Variants in PGCKA1 observed in about 807,000 individuals in gnomAD.
PGCKA1 encodes the protein PDCD10 and GCKIII kinases associated 1, also known as PDCD10 and GCKIII kinases-associated protein 1.
At chr4:37,498,860 G>A in the PGCKA1 span, among the ~76,000 whole-genome samples, 2 of 152,116 alleles carry the variant, frequency 1.3e-5, no homozygotes, top group Non-Finnish European at 2.9e-5. Flanking sequence ...CCAATATTAT[G>A]TTGAATATGA....
At chr4:37,494,556 T>G in the PGCKA1 span, among the ~76,000 whole-genome samples, 1 of 152,236 alleles carries the variant, frequency 6.6e-6, no homozygotes, top group Non-Finnish European at 1.5e-5. Flanking sequence ...TCCATGTCTT[T>G]GCTATTATGA....
At chr4:37,521,219 ATTGC>A in the PGCKA1 span, among the ~76,000 whole-genome samples, 1 of 152,028 alleles carries the variant, frequency 6.6e-6, no homozygotes, top group Non-Finnish European at 1.5e-5. Flanking sequence ...CCCTCTTAGT[ATTGC>A]TTTTGCTGGA....
At chr4:37,527,127 A>G in the PGCKA1 span, among the ~76,000 whole-genome samples, 2 of 152,124 alleles carry the variant, frequency 1.3e-5, no homozygotes, top group Non-Finnish European at 2.9e-5. Flanking sequence ...AGGAAAAAGT[A>G]TATATAATAA....
the PGCKA1 span, among the ~76,000 whole-genome samples, chr4:37,551,346 T>G: frequency 6.6e-6 from 1 of 152,104 alleles, no homozygotes; most frequent in Non-Finnish European, 1.5e-5. Flanking sequence ...CCTAAAAAAA[T>G]TATACAATAC....
chr4:37,504,848 GATCATATT>G, the PGCKA1 span, among the ~76,000 whole-genome samples: 1 of 152,090 alleles, frequency 6.6e-6, no homozygotes, highest in Non-Finnish European at 1.5e-5. Flanking sequence ...CCAAATATAA[GATCATATT>G]ATCTTCAAAT....
At chr4:37,497,212 C>T in the PGCKA1 span, among the ~76,000 whole-genome samples, 1 of 152,124 alleles carries the variant, frequency 6.6e-6, no homozygotes, top group Non-Finnish European at 1.5e-5. Flanking sequence ...AGTTACTTCA[C>T]TTAGAATACT....
At chr4:37,478,356 C>T in the PGCKA1 span, among the ~76,000 whole-genome samples, 1 of 151,996 alleles carries the variant, frequency 6.6e-6, no homozygotes, top group East Asian at 1.9e-4. Context: ...GGCCCGGAGC[C>T]AGTTCACTGG....
At chr4:37,539,506 AATT>A in the PGCKA1 span, among the ~76,000 whole-genome samples, 1 of 152,020 alleles carries the variant, frequency 6.6e-6, no homozygotes, top group Non-Finnish European at 1.5e-5. Context: ...AAAATACAAA[AATT>A]AGCCAGATGT....
At chr4:37,520,314 A>G in the PGCKA1 span, among the ~76,000 whole-genome samples, 1 of 152,202 alleles carries the variant, frequency 6.6e-6, no homozygotes, top group African/African-American at 2.4e-5. Flanking sequence ...TTTTTGGAAT[A>G]GCTTGAGTAG....
At chr4:37,554,778 T>G in the PGCKA1 span, among the ~76,000 whole-genome samples, 8 of 152,338 alleles carry the variant, frequency 5.3e-5, no homozygotes, top group South Asian at 1.2e-3. Context: ...TAAGGAGGTA[T>G]GCCAATTGGG....
chr4:37,499,918 CTTTTTTTT>C, the PGCKA1 span, among the ~76,000 whole-genome samples: 1 of 79,258 alleles, frequency 1.3e-5, no homozygotes, highest in East Asian at 4.0e-4. Context: ...GTCTTCCTAA[CTTTTTTTT>C]TTTTTTTTTT....
chr4:37,568,818 A>G, the PGCKA1 span, among the ~76,000 whole-genome samples: 28,657 of 152,184 alleles, frequency 0.19, 3,091 homozygotes, highest in Non-Finnish European at 0.26. Context: ...TATCGTTTAG[A>G]TTGTTAAATT....
At chr4:37,581,681 C>G in the PGCKA1 span, among the ~76,000 whole-genome samples, 1 of 152,160 alleles carries the variant, frequency 6.6e-6, no homozygotes, top group East Asian at 1.9e-4. This position sits in a 1 kb window ranked among gnomAD's most constrained non-coding sequence, Gnocchi z 4.4. Flanking sequence ...GGGTCACTTT[C>G]ATTGCTGTGA....
At chr4:37,480,290 C>T in the PGCKA1 span, among the ~76,000 whole-genome samples, 1 of 152,136 alleles carries the variant, frequency 6.6e-6, no homozygotes, top group Non-Finnish European at 1.5e-5. Context: ...ATCAGGAGTT[C>T]GAGACCAGCC....
chr4:37,559,428 A>T, the PGCKA1 span, among the ~76,000 whole-genome samples: 1 of 122,096 alleles, frequency 8.2e-6, no homozygotes. Flanking sequence ...GGAACATCAC[A>T]CTCTGGGGAC....
At chr4:37,458,371 A>G in the PGCKA1 span, among the ~76,000 whole-genome samples, 3 of 148,720 alleles carry the variant, frequency 2.0e-5, no homozygotes, top group Admixed American at 6.7e-5. Context: ...TCAGTTATCT[A>G]TTGCTGTGTA....
the PGCKA1 span, among the ~76,000 whole-genome samples, chr4:37,491,817 A>T: frequency 6.6e-6 from 1 of 152,058 alleles, no homozygotes; most frequent in Non-Finnish European, 1.5e-5. Context: ...TTATTGGATT[A>T]TCTGCCTTTA....
chr4:37,590,805 T>TA, the PGCKA1 span: 3 of 1,614,054 alleles, frequency 1.9e-6, no homozygotes, highest in Non-Finnish European at 2.5e-6. Context: ...AAACAGAAGT[T>TA]CTAAGCATCT....
the PGCKA1 span, among the ~76,000 whole-genome samples, chr4:37,504,766 A>G: frequency 6.6e-6 from 1 of 152,010 alleles, no homozygotes; most frequent in Admixed American, 6.6e-5. Context: ...TTTTATGTTG[A>G]TTTTGTATCC....
Sources: allele counts gnomAD v4.1 joint callset (sites outside exome capture counted in the v4.1 genomes callset), GRCh38; gene constraint gnomAD v4.1.1; non-coding constraint Gnocchi (gnomAD v3.1); transcripts MANE v1.5; gene names NCBI Gene and HGNC (gene_info 2026-07-23, HGNC 2026-07-21).